The following HS3ST4 variants were observed in gnomAD, a reference collection of about 807,000 sequenced individuals.
HS3ST4 encodes heparan sulfate-glucosamine 3-sulfotransferase 4.
In HS3ST4, 17 loss-of-function variants were observed where a neutral mutation model predicts 29.2. The ratio of observed to expected loss-of-function variants is 0.58; its 90% CI spans 0.40 to 0.87. The LOEUF is 0.87. Ranked by LOEUF, HS3ST4 falls within the 40% of genes least tolerant of loss-of-function variation. The pLI is 0.00. For missense variants in HS3ST4, 627 were observed against 634.5 expected (o/e 0.99, Z 0.13); for synonymous variants, 314 against 285.7 (o/e 1.10, Z -1.00).
intron 1 of HS3ST4, among the ~76,000 whole-genome samples, chr16:25,892,866 G>C (rs566025869): frequency 6.6e-6 from 1 of 152,286 alleles, no homozygotes; most frequent in African/African-American, 2.4e-5. Context: ...CAGTGAACAA[G>C]ACAGCAAAGT....
At chr16:25,828,426 C>T (rs181277457) in intron 1 of HS3ST4, among the ~76,000 whole-genome samples, 96 of 150,428 alleles carry the variant, frequency 6.4e-4, no homozygotes, top group African/African-American at 2.0e-3. Flanking sequence ...CTGCAACCTC[C>T]GCCTCCTGGG....
intron 1 of HS3ST4, among the ~76,000 whole-genome samples, chr16:25,835,991 G>T (rs1311964201): frequency 2.0e-5 from 3 of 152,122 alleles, no homozygotes; most frequent in African/African-American, 4.8e-5. Context: ...GGGCATTCCG[G>T]AGGGCTGGGT....
intron 1 of HS3ST4, among the ~76,000 whole-genome samples, chr16:25,863,502 C>A (rs1302252319): frequency 6.6e-6 from 1 of 152,138 alleles, no homozygotes; most frequent in Non-Finnish European, 1.5e-5. Context: ...AGTAGAGCTT[C>A]TTGGGTCTTG....
At chr16:26,066,500 C>G (rs1009870424) in intron 1 of HS3ST4, among the ~76,000 whole-genome samples, 1 of 152,086 alleles carries the variant, frequency 6.6e-6, no homozygotes, top group African/African-American at 2.4e-5. Context: ...TAATCTGTTC[C>G]CCGTTCAGTC....
At chr16:26,034,744 A>T (rs202212025) in intron 1 of HS3ST4, among the ~76,000 whole-genome samples, 1 of 140,550 alleles carries the variant, frequency 7.1e-6, no homozygotes, top group Non-Finnish European at 1.5e-5. Flanking sequence ...AAAGCCTATT[A>T]AAAAAAAAAC....
At chr16:26,135,028 T>TC (rs1898261533) in intron 1 of HS3ST4, among the ~76,000 whole-genome samples, 1 of 152,170 alleles carries the variant, frequency 6.6e-6, no homozygotes, top group Non-Finnish European at 1.5e-5. Flanking sequence ...GGTTTTTTTT[T>TC]CAACAACAAT....
intron 1 of HS3ST4, among the ~76,000 whole-genome samples, chr16:25,822,892 C>G (rs955759848): frequency 6.6e-6 from 1 of 152,010 alleles, no homozygotes; most frequent in Non-Finnish European, 1.5e-5. Context: ...CGTGCACCAC[C>G]ACCCCTGACT....
chr16:26,065,273 C>T (rs928445927), intron 1 of HS3ST4, among the ~76,000 whole-genome samples: 1 of 152,170 alleles, frequency 6.6e-6, no homozygotes, highest in African/African-American at 2.4e-5. Context: ...TACATATACA[C>T]CATGGAATAC....
At chr16:25,819,369 T>C (rs1340866279) in intron 1 of HS3ST4, among the ~76,000 whole-genome samples, 2 of 152,182 alleles carry the variant, frequency 1.3e-5, no homozygotes, top group Non-Finnish European at 2.9e-5. Context: ...ACCACAGCCC[T>C]GTGCAGTTTA....
At chr16:25,739,830 G>C (rs1231323536) in intron 1 of HS3ST4, among the ~76,000 whole-genome samples, 1 of 152,118 alleles carries the variant, frequency 6.6e-6, no homozygotes, top group Non-Finnish European at 1.5e-5. Flanking sequence ...TCTTATAAGT[G>C]AAAAATGCCA....
chr16:25,989,947 T>G (rs1969100150), intron 1 of HS3ST4, among the ~76,000 whole-genome samples: 1 of 152,242 alleles, frequency 6.6e-6, no homozygotes, highest in Non-Finnish European at 1.5e-5. Flanking sequence ...CCATGGGTTT[T>G]GACAAATATG....
In HS3ST4 at chr16:25,843,005, G is replaced by A. The variant is rs1389158436; in HGVS notation, c.734+149854G>A. Among the ~76,000 whole-genome samples the A allele has an allele frequency of 3.3e-5, 5 of 152,140 alleles. No individual in the cohort carries two copies. The South Asian group carries it at 6.2e-4, about 19-fold the overall frequency. On this transcript the variant is annotated intron_variant, in intron 1 of 1. Coordinates refer to ENST00000331351, the MANE Select transcript of HS3ST4 (RefSeq NM_006040.3). Reference sequence around the variant, plus strand: ...TTTACTAAGTTTGGGCAAAAAGCACGGAGTCTTCCCTGTACTTCTACAGCA... The same window carrying A: ...TTTACTAAGTTTGGGCAAAAAGCACAGAGTCTTCCCTGTACTTCTACAGCA...
At chr16:25,759,209 C>G (rs1966775033) in intron 1 of HS3ST4, among the ~76,000 whole-genome samples, 1 of 152,144 alleles carries the variant, frequency 6.6e-6, no homozygotes, top group Non-Finnish European at 1.5e-5. Flanking sequence ...AAGCAATTTA[C>G]TAAAAATTAC....
At chr16:25,963,418 C>T (rs552233730) in intron 1 of HS3ST4, among the ~76,000 whole-genome samples, 70 of 152,308 alleles carry the variant, frequency 4.6e-4, no homozygotes, top group African/African-American at 1.6e-3. Context: ...CATTGTTAGT[C>T]TTGTCTGTAT....
Position 26,135,922 on chromosome 16 carries a change from CT to C in HS3ST4, c.1046del (p.Leu349ProfsTer27). On this transcript the variant is annotated frameshift_variant, in exon 2 of 2. Coordinates refer to ENST00000331351, the MANE Select transcript of HS3ST4 (RefSeq NM_006040.3). LOFTEE classifies it high-confidence loss of function. ...GGAAAACTGGCTCCAGTATTTCCCCCTCTCCCAGATCCTCTTTGTCAGTGGT... is the reference window on the plus strand; with the variant it reads ...GGAAAACTGGCTCCAGTATTTCCCCCCTCCCAGATCCTCTTTGTCAGTGGT... ...HLENWLQYFP[L>X]SQILFVSGER... The C allele has an allele frequency of 6.2e-7, 1 of 1,613,996 alleles. No individual in the cohort carries two copies. Among genetic ancestry groups the C allele is most frequent in the Non-Finnish European group, 8.5e-7 (1 of 1,179,870 alleles).
At chr16:26,093,442 A>G (rs1898882536) in intron 1 of HS3ST4, among the ~76,000 whole-genome samples, 1 of 152,220 alleles carries the variant, frequency 6.6e-6, no homozygotes, top group Non-Finnish European at 1.5e-5. Flanking sequence ...GCTGTTCTGC[A>G]GCCTCTGCTG....
At chr16:25,921,741 C>T (rs1175275847) in intron 1 of HS3ST4, among the ~76,000 whole-genome samples, 1 of 150,798 alleles carries the variant, frequency 6.6e-6, no homozygotes, top group Non-Finnish European at 1.5e-5. Flanking sequence ...TAATTTCTCT[C>T]TTCTAAGTTT....
At chr16:25,907,363 G>A (rs1006428482) in intron 1 of HS3ST4, among the ~76,000 whole-genome samples, 10 of 152,220 alleles carry the variant, frequency 6.6e-5, no homozygotes, top group South Asian at 4.2e-4. Context: ...ATGGGGAGGC[G>A]GGGTAGGGGA....
At chr16:25,772,388 T>C (rs529808640) in intron 1 of HS3ST4, among the ~76,000 whole-genome samples, 7 of 152,310 alleles carry the variant, frequency 4.6e-5, no homozygotes, top group Admixed American at 4.6e-4. Context: ...GAGTCAACTA[T>C]ATTTGGTTAG....
Sources: gnomAD v4.1 joint callset for allele counts (sites outside exome capture counted in the v4.1 genomes callset) on GRCh38, gnomAD v4.1.1 for gene constraint, MANE v1.5 for transcripts, NCBI Gene and HGNC (gene_info 2026-07-23, HGNC 2026-07-21) for gene names.